Variants in LRP6 observed in about 807,000 individuals in gnomAD.
LRP6 encodes LDL receptor related protein 6, also known as low-density lipoprotein receptor-related protein 6.
A neutral mutation model predicts 184.1 loss-of-function variants in LRP6; 43 were observed. The ratio of observed to expected loss-of-function variants is 0.23; its 90% confidence interval spans 0.18 to 0.30. The LOEUF (loss-of-function observed/expected upper bound fraction) is 0.30, where lower values mean the gene tolerates loss of function less well. LRP6 is among the 10% of genes least tolerant of loss of function. The pLI is 1.00. For synonymous variants in LRP6, 719 were observed against 684.9 expected (o/e 1.05, Z -0.78); for missense variants, 1,571 against 2,005.3 (o/e 0.78, Z 4.14).
At chr12:12,240,455 C>T (rs897857911) in intron 2 of LRP6, among the ~76,000 whole-genome samples, 2 of 152,000 alleles carry the variant, frequency 1.3e-5, no homozygotes, top group Non-Finnish European at 2.9e-5. Context: ...GCCCGTAGTC[C>T]CAGCTACTCG....
rs1371723827 is a variant in LRP6 at position 12,135,195 on chromosome 12, T to G, written c.3713A>C (p.Gln1238Pro). ...CSCPMHLVLL[Q>P]DELSCGEPPT... ...TTTACCTCCACATGATAGCTCATCT[T>G]GAAGTAGAACCAGGTGCATGGGGCA... is the stretch of plus-strand genomic sequence containing the variant. The change falls in exon 17 of 23, where the codon CAA (glutamine) becomes CCA (proline). Residue 1238 changes from glutamine to proline, a missense_variant. Physicochemically the swap from Gln to Pro is moderately conservative, Grantham distance 76. This residue lies in a region of LRP6 where 763 missense variants were observed against 859.5 expected (regional missense o/e 0.89). Transcript: ENST00000261349. 1 of 1,613,864 alleles carries G rather than the reference T, an allele frequency of 6.2e-7. No homozygotes were observed.
At chr12:12,179,761 CA>C (rs1372438554) in intron 7 of LRP6, 48 bp downstream of exon 7, 1 of 1,593,618 alleles carries the variant, frequency 6.3e-7, no homozygotes, top group Admixed American at 1.7e-5. Context: ...ACTGTCGACT[CA>C]AAACCCATTA....
chr12:12,234,274 C>A (rs1355227152), intron 2 of LRP6, among the ~76,000 whole-genome samples: 1 of 150,070 alleles, frequency 6.7e-6, no homozygotes, highest in Non-Finnish European at 1.5e-5. Flanking sequence ...GCAACAAGAG[C>A]GAAACTCCAT....
intron 22 of LRP6, 100 bp downstream of exon 22, chr12:12,124,465 T>C (rs1949645599): frequency 2.4e-6 from 2 of 818,262 alleles, no homozygotes; most frequent in South Asian, 1.4e-5. Context: ...CTAGTCTCTC[T>C]CTGGTGACCA....
chr12:12,205,063 T>C (rs1864016727), intron 2 of LRP6, among the ~76,000 whole-genome samples: 1 of 151,442 alleles, frequency 6.6e-6, no homozygotes, highest in Non-Finnish European at 1.5e-5. Context: ...GAGTGGTGGC[T>C]CACACTTGTA....
chr12:12,164,586 G>A, intron 8 of LRP6, 24 bp from the exon 9 acceptor site: 1 of 1,611,240 alleles, frequency 6.2e-7, no homozygotes, highest in South Asian at 1.1e-5. Context: ...TATAAAAGGG[G>A]CACAGAAGGA....
rs570479698 is a variant in LRP6, at chr12:12,266,174, C to T, written c.55+507G>A. On this transcript the variant is annotated intron_variant, in intron 1 of 22. Coordinates refer to ENST00000261349, the MANE Select transcript of LRP6 (RefSeq NM_002336.3). The stretch of plus-strand genomic sequence containing the variant: ...AGGGTCATTATATCCCAAACGGAAG[C>T]CAATCATTACCTGTAACAAGGCCTG... Among the ~76,000 whole-genome samples the T allele has an allele frequency of 8.4e-4, 128 of 152,226 alleles. 1 individual carries two copies. The highest frequency in any genetic ancestry group is 3.0e-3 in the African/African-American group (123 of 41,532).
intron 7 of LRP6, among the ~76,000 whole-genome samples, chr12:12,167,414 C>T (rs916128061): frequency 4.6e-5 from 7 of 152,070 alleles, no homozygotes; most frequent in Non-Finnish European, 1.0e-4. Flanking sequence ...GAGGCCGAGA[C>T]GGGTGGGTCA....
chr12:12,203,350 C>T lies in LRP6; in HGVS notation c.500G>A (p.Gly167Glu). Residue 167 changes from glycine to glutamate, a missense_variant, in exon 3 of 23, where the codon GGA becomes GAA. Physicochemically the swap from Gly to Glu is moderately conservative, Grantham distance 98 (BLOSUM62 -2). Transcript: ENST00000261349. Reference sequence around the variant, plus strand: ...AATGAAGCGACTTGAACCATCCATTCCAGCACGTTCTATCTTTGGCACTTC... The same window carrying T: ...AATGAAGCGACTTGAACCATCCATTTCAGCACGTTCTATCTTTGGCACTTC... ...WGEVPKIERA[G>E]MDGSSRFIII... is the part of the protein sequence containing the mutation. 6.2e-7 allele frequency: 1 copy of T among 1,614,092 alleles called. No homozygotes were observed. The highest frequency in any genetic ancestry group is 8.5e-7 in the Non-Finnish European group (1 of 1,179,962).
chr12:12,185,286 C>CA (rs1305701741), intron 4 of LRP6, among the ~76,000 whole-genome samples: 6 of 152,050 alleles, frequency 3.9e-5, no homozygotes, highest in South Asian at 2.1e-4. Context: ...GACTCTATCT[C>CA]AAAAAACAAA....
chr12:12,124,617 T>C lies in LRP6; in HGVS notation c.4495A>G (p.Thr1499Ala). 6.2e-7 allele frequency: 1 copy of C among 1,613,862 alleles called. No individual in the cohort carries two copies. Among genetic ancestry groups the C allele is most frequent in the African/African-American group, 1.3e-5 (1 of 75,022 alleles). Residue 1499 changes from threonine (T) to alanine (A), a missense_variant, in exon 22 of 23, where the codon ACT becomes GCT. Around this residue, in one of 4 missense-constraint regions of LRP6, gnomAD observed 763 missense variants for 859.5 expected, o/e 0.89. Transcript: ENST00000261349. ...PSPATERSHYTMEFGYSSNSP... is the reference protein window; with the variant it reads ...PSPATERSHYAMEFGYSSNSP... ...TTTGAAGAATATCCAAATTCCATAG[T>C]GTAATGTGATCGCTCTGTGGCTGGG... is the stretch of plus-strand genomic sequence containing the variant.
chr12:12,177,266 GCTTT>G (rs1863215547), intron 7 of LRP6, among the ~76,000 whole-genome samples: 2 of 152,176 alleles, frequency 1.3e-5, no homozygotes, highest in South Asian at 4.1e-4. Flanking sequence ...AAGCTAGGGA[GCTTT>G]CTAAGGAAAA....
At chr12:12,197,630 A>G (rs944303096) in intron 3 of LRP6, among the ~76,000 whole-genome samples, 16 of 152,234 alleles carry the variant, frequency 1.1e-4, no homozygotes, top group Non-Finnish European at 2.1e-4. Flanking sequence ...TCTCTTGCCC[A>G]TTAAGAATCT....
At chr12:12,241,508 T>C (rs1865065144) in intron 2 of LRP6, among the ~76,000 whole-genome samples, 1 of 152,194 alleles carries the variant, frequency 6.6e-6, no homozygotes, top group African/African-American at 2.4e-5. Flanking sequence ...AATGTATATA[T>C]ACCATTTGAC....
At chr12:12,206,984 G>A (rs1041258584) in intron 2 of LRP6, among the ~76,000 whole-genome samples, 2 of 151,756 alleles carry the variant, frequency 1.3e-5, no homozygotes, top group Non-Finnish European at 2.9e-5. Context: ...CTGACCAAAG[G>A]TCATACAACA....
At chr12:12,187,274 T>C in intron 3 of LRP6, 155 bp from the exon 4 acceptor site, 1 of 668,986 alleles carries the variant, frequency 1.5e-6, no homozygotes, top group Non-Finnish European at 2.6e-6. Context: ...TAAAAAATAA[T>C]TCACATAATG....
chr12:12,257,690 G>T (rs186731384), intron 1 of LRP6, among the ~76,000 whole-genome samples: 3 of 129,192 alleles, frequency 2.3e-5, no homozygotes, highest in South Asian at 2.6e-4. Context: ...GCCTGTAATC[G>T]CAAGCACTTT....
intron 2 of LRP6, among the ~76,000 whole-genome samples, chr12:12,205,469 A>G (rs1189032535): frequency 1.3e-5 from 2 of 152,184 alleles, no homozygotes; most frequent in Non-Finnish European, 2.9e-5. Flanking sequence ...TAATACTGAA[A>G]TGAATCTACT....
chr12:12,116,076 T>G lies in LRP6; in HGVS notation c.*5050A>C, dbSNP rs1451521833. On this transcript the variant is annotated 3_prime_UTR_variant, in exon 23 of 23. Transcript: ENST00000261349. ...AAAATCAAATTTCATTTGTTACAAT[T>G]CAGCTTATTTATTGTAATAATCAAA... is the stretch of plus-strand genomic sequence containing the variant. 6.6e-6 allele frequency: 1 copy of G among 152,228 alleles called. No homozygotes were observed. The highest frequency in any genetic ancestry group is 1.5e-5 in the Non-Finnish European group (1 of 68,042). The allele number at this position is 152,228 out of a possible 1,614,324, so 9.4% of individuals were successfully genotyped here. A position where few individuals can be genotyped will look rare whatever the true frequency, so the allele number is the denominator to read the frequency against.
Sources: allele counts gnomAD v4.1 joint callset (sites outside exome capture counted in the v4.1 genomes callset), GRCh38; gene constraint gnomAD v4.1.1; regional missense constraint gnomAD v4.1.1; transcripts MANE v1.5; gene names NCBI Gene and HGNC (gene_info 2026-07-23, HGNC 2026-07-21).